Variants in EGFR observed in about 807,000 individuals in gnomAD.
EGFR encodes epidermal growth factor receptor, also known as avian erythroblastic leukemia viral (v-erb-b) oncogene homolog.
EGFR carries 58 observed loss-of-function variants against 143.0 expected under a neutral mutation model. That is an observed-to-expected ratio of 0.41 (90% CI 0.33 to 0.50). The LOEUF (loss-of-function observed/expected upper bound fraction) is 0.50, where lower values mean the gene tolerates loss of function less well. EGFR is among the 20% of genes least tolerant of loss of function. The pLI is 0.39. For synonymous variants in EGFR, 613 were observed against 594.4 expected (o/e 1.03, Z -0.45); for missense variants, 1,307 against 1,579.0 (o/e 0.83, Z 2.92).
At chr7:55,055,568 T>G (rs1788757762) in intron 1 of EGFR, among the ~76,000 whole-genome samples, 1 of 152,220 alleles carries the variant, frequency 6.6e-6, no homozygotes, top group Non-Finnish European at 1.5e-5. Context: ...ACATATCATA[T>G]GCATAATGGC....
chr7:55,066,090 G>A (rs1044492665), intron 1 of EGFR, among the ~76,000 whole-genome samples: 3 of 152,126 alleles, frequency 2.0e-5, no homozygotes, highest in Non-Finnish European at 4.4e-5. Context: ...TGAGGCGTTC[G>A]TGGTGTGTGA....
At chr7:55,094,362 G>A (rs532300721) in intron 1 of EGFR, among the ~76,000 whole-genome samples, 12 of 152,342 alleles carry the variant, frequency 7.9e-5, no homozygotes, top group Admixed American at 3.3e-4. Context: ...AGGTCGGGGG[G>A]CAGGGGGGGC....
intron 20 of EGFR, among the ~76,000 whole-genome samples, chr7:55,182,863 G>A (rs966318577): frequency 1.3e-5 from 2 of 152,218 alleles, no homozygotes; most frequent in African/African-American, 4.8e-5. Flanking sequence ...GGTCCTGGGA[G>A]AGGGTCTTGT....
At chr7:55,106,317 C>T (rs1419578160) in intron 1 of EGFR, among the ~76,000 whole-genome samples, 1 of 152,256 alleles carries the variant, frequency 6.6e-6, no homozygotes, top group Admixed American at 6.5e-5. Context: ...CGCCCTAACT[C>T]ACAAAACCAT....
chr7:55,022,840 T>C (rs910032088), intron 1 of EGFR, among the ~76,000 whole-genome samples: 1 of 152,246 alleles, frequency 6.6e-6, no homozygotes, highest in African/African-American at 2.4e-5. Context: ...CGAAAGTCCA[T>C]TGTGCTGCAT....
intron 20 of EGFR, among the ~76,000 whole-genome samples, chr7:55,189,372 G>A (rs983694390): frequency 1.3e-5 from 2 of 152,110 alleles, no homozygotes; most frequent in Non-Finnish European, 2.9e-5. Flanking sequence ...TGTGTGAAAG[G>A]GCTGGCACAT....
chr7:55,173,628 G>T (rs6952904), intron 17 of EGFR, among the ~76,000 whole-genome samples: 2 of 152,218 alleles, frequency 1.3e-5, no homozygotes, highest in Non-Finnish European at 2.9e-5. Flanking sequence ...CTTCCCTACC[G>T]GAGTTTTCAA....
chr7:55,175,667 C>T (rs1474072184), intron 19 of EGFR, among the ~76,000 whole-genome samples: 3 of 152,176 alleles, frequency 2.0e-5, no homozygotes, highest in Non-Finnish European at 4.4e-5. Context: ...AAATGGCTGA[C>T]TTATTACCTC....
intron 24 of EGFR, 86 bp from the exon 25 acceptor site, chr7:55,201,102 C>A (rs2128971297): frequency 1.9e-6 from 3 of 1,561,084 alleles, no homozygotes; most frequent in South Asian, 2.2e-5. Context: ...CAGGCACCTG[C>A]TGGCAATAGA....
chr7:55,108,511 G>T (rs1355651476), intron 1 of EGFR, among the ~76,000 whole-genome samples: 1 of 152,238 alleles, frequency 6.6e-6, no homozygotes, highest in Non-Finnish European at 1.5e-5. Context: ...GTGGTCAGAG[G>T]TTTGTGAGTT....
At chr7:55,155,089 A>C (rs1450870305) in intron 7 of EGFR, among the ~76,000 whole-genome samples, 2 of 152,270 alleles carry the variant, frequency 1.3e-5, no homozygotes, top group African/African-American at 2.4e-5. Flanking sequence ...TGGTTCACAG[A>C]AGAATCATCA....
Position 55,211,549 on chromosome 7 carries a change from TA to T in EGFR, c.*5938del, listed in dbSNP as rs1788235987. ...GAAATGTTGATTGTGCATTGAGTATTAAAAAATTAGATGTATATTATTCATT... is the reference window on the plus strand; with the variant it reads ...GAAATGTTGATTGTGCATTGAGTATTAAAAATTAGATGTATATTATTCATT... On this transcript the variant is annotated 3_prime_UTR_variant, in exon 28 of 28. Transcript: ENST00000275493. 1.3e-5 allele frequency: 2 copies of T among 152,184 alleles called. No individual in the cohort carries two copies. Among genetic ancestry groups the T allele is most frequent in the African/African-American group, 4.8e-5 (2 of 41,422 alleles). 9.4% of individuals were successfully genotyped at this position (152,184 alleles called of 1,614,324 possible).
Position 55,136,046 on chromosome 7 carries a change from C to T in EGFR, c.89-6240C>T, listed in dbSNP as rs775558969. 1.1e-4 allele frequency among the ~76,000 whole-genome samples: 16 copies of T among 152,252 alleles called. No homozygotes were observed. The East Asian group carries it at 1.9e-3, about 18-fold the overall frequency. Reference sequence around the variant, plus strand: ...TCAGAAAAGGTCATTGTTAACAACACGGTGTATCTTCCTCCTGTCATGCTT... The same window carrying T: ...TCAGAAAAGGTCATTGTTAACAACATGGTGTATCTTCCTCCTGTCATGCTT... On this transcript the variant is annotated intron_variant, in intron 1 of 27. Transcript: ENST00000275493.
chr7:55,180,991 T>G (rs569186060), intron 19 of EGFR: 12 of 511,544 alleles, frequency 2.3e-5, no homozygotes, highest in Non-Finnish European at 3.9e-5. Flanking sequence ...AACTCAGAGA[T>G]CAGGTGACTC....
chr7:55,145,206 C>G (rs1051013111), intron 3 of EGFR, among the ~76,000 whole-genome samples: 5 of 152,292 alleles, frequency 3.3e-5, no homozygotes, highest in African/African-American at 1.2e-4. Flanking sequence ...CTCTCCTCGC[C>G]CCGCCCCCTG....
chr7:55,171,717 G>C (rs914436533), intron 16 of EGFR, among the ~76,000 whole-genome samples: 1 of 152,190 alleles, frequency 6.6e-6, no homozygotes, highest in Non-Finnish European at 1.5e-5. Flanking sequence ...CAGTTTGCCA[G>C]AGCAAAGCCC....
chr7:55,159,058 T>A lies in EGFR; in HGVS notation c.1299-1081T>A, dbSNP rs1785568248. Among the ~76,000 whole-genome samples the A allele has an allele frequency of 2.0e-5, 3 of 152,178 alleles. No homozygotes were observed. The South Asian group carries it at 6.2e-4, about 32-fold the overall frequency. On this transcript the variant is annotated intron_variant, in intron 11 of 27. Transcript: ENST00000275493. ...TGAGAGCTTCCTGCAAATGCAGATC[T>A]CTTTCCTGTGGCTCCTTCTCAATTA...
chr7:55,120,911 A>G (rs1400395774), intron 1 of EGFR, among the ~76,000 whole-genome samples: 4 of 152,192 alleles, frequency 2.6e-5, no homozygotes, highest in Non-Finnish European at 4.4e-5. Flanking sequence ...GCCAGGTGTC[A>G]TTTTTGAGAG....
rs1490923813 is a variant in EGFR, at chr7:55,201,332, C to T, written c.3091C>T (p.Arg1031Trp). The T allele has an allele frequency of 1.9e-6, 3 of 1,614,176 alleles. No individual in the cohort carries two copies. The highest frequency in any genetic ancestry group is 1.1e-5 in the South Asian group (1 of 91,080). Reference protein sequence around the residue: ...QGFFSSPSTSRTPLLSSLSAT... With the variant: ...QGFFSSPSTSWTPLLSSLSAT... ...CTTCTTCAGCAGCCCCTCCACGTCA[C>T]GGACTCCCCTCCTGAGCTCTCTGGT... is the stretch of plus-strand genomic sequence containing the variant. The change falls in exon 25 of 28, where the codon CGG becomes TGG. Residue 1031 changes from arginine (R) to tryptophan (W), a missense_variant. Arg to Trp is a moderately radical substitution (Grantham distance 101). This residue lies in a region of EGFR where 313 missense variants were observed against 312.3 expected (regional missense o/e 1.00). Coordinates refer to ENST00000275493, the MANE Select transcript of EGFR (RefSeq NM_005228.5).
Sources: gnomAD v4.1 joint callset for allele counts (sites outside exome capture counted in the v4.1 genomes callset) on GRCh38, gnomAD v4.1.1 for gene constraint, gnomAD v4.1.1 regional missense constraint, MANE v1.5 for transcripts, NCBI Gene and HGNC (gene_info 2026-07-23, HGNC 2026-07-21) for gene names.